The following CHN1 variants were observed in gnomAD, a reference collection of about 807,000 sequenced individuals.
CHN1 encodes chimerin 1, also known as N-chimaerin.
A neutral mutation model predicts 59.5 loss-of-function variants in CHN1; 37 were observed. The observed-to-expected ratio is 0.62, with a 90% CI of 0.48 to 0.82. CHN1 has a LOEUF of 0.82. Among genes scored for constraint, CHN1 ranks in the 40% least tolerant of loss-of-function variants. CHN1 has a pLI of 0.00. For synonymous variants in CHN1, 206 were observed against 200.4 expected, an observed-to-expected ratio of 1.03 and a Z score of -0.24; for missense variants, 469 against 571.0, an observed-to-expected ratio of 0.82 and a Z score of 1.82.
At chr2:174,839,781 T>TTTGA (rs1310886387) in intron 7 of CHN1, among the ~76,000 whole-genome samples, 1 of 152,088 alleles carries the variant, frequency 6.6e-6, no homozygotes, top group East Asian at 1.9e-4. Flanking sequence ...GTTTTGTATT[T>TTTGA]TTGATAGAAA....
intron 7 of CHN1, among the ~76,000 whole-genome samples, chr2:174,844,354 C>T (rs1686426807): frequency 2.0e-5 from 3 of 152,152 alleles, no homozygotes; most frequent in Admixed American, 1.3e-4. Context: ...TCAGTGAGTG[C>T]TTTCACCAAA....
At chr2:174,911,702 A>G (rs1033423966) in intron 5 of CHN1, among the ~76,000 whole-genome samples, 2 of 152,250 alleles carry the variant, frequency 1.3e-5, no homozygotes, top group Non-Finnish European at 2.9e-5. Flanking sequence ...GCACACATAC[A>G]ATACACACTC....
chr2:174,989,918 C>A (rs1188852191), intron 1 of CHN1, among the ~76,000 whole-genome samples: 1 of 152,048 alleles, frequency 6.6e-6, no homozygotes, highest in African/African-American at 2.4e-5. Context: ...TCCTTCTTCC[C>A]CTGGTACAAA....
In CHN1 at chr2:174,799,367, C is replaced by T. The variant is rs548051833; in HGVS notation, c.*749G>A. 3 of 404,980 alleles carry T rather than the reference C, an allele frequency of 7.4e-6. No individual in the cohort carries two copies. In the East Asian group the frequency reaches 1.5e-4, roughly 20 times the overall value. 25.1% of individuals were successfully genotyped at this position (404,980 alleles called of 1,614,324 possible). On this transcript the variant is annotated 3_prime_UTR_variant, in exon 13 of 13. Transcript: ENST00000409900. The stretch of plus-strand genomic sequence containing the variant: ...GGCCAAACACATTTTCCCGAATATT[C>T]TTATGAGAAAAAAGTAAGCTATCAA...
chr2:174,844,605 T>G (rs1400931395), intron 7 of CHN1, among the ~76,000 whole-genome samples: 2 of 152,220 alleles, frequency 1.3e-5, no homozygotes, highest in Non-Finnish European at 2.9e-5. Flanking sequence ...ATTTCTGAAC[T>G]GTACATACAT....
rs113640260 is a variant in CHN1, at chr2:174,932,399, A to G, written c.114+12489T>C. On this transcript the variant is annotated intron_variant, in intron 3 of 12. Coordinates refer to ENST00000409900, the MANE Select transcript of CHN1 (RefSeq NM_001822.7). ...TTTTAATGGGTCTAGCATTGAAGTTAACGTCTGTTCCCCTAGAGAAAACTG... is the reference window on the plus strand; with the variant it reads ...TTTTAATGGGTCTAGCATTGAAGTTGACGTCTGTTCCCCTAGAGAAAACTG... Among the ~76,000 whole-genome samples the G allele has an allele frequency of 8.3e-3, 1,259 of 152,306 alleles. 6 individuals carry two copies. The highest frequency in any genetic ancestry group is 0.015 in the Non-Finnish European group (1,010 of 68,020).
chr2:174,877,782 G>T, intron 6 of CHN1, 58 bp downstream of exon 6: 1 of 1,492,938 alleles, frequency 6.7e-7, no homozygotes, highest in Non-Finnish European at 9.1e-7. Flanking sequence ...GGCAATAATG[G>T]CTTTCTTAAA....
chr2:174,929,018 T>C (rs1689254964), intron 3 of CHN1, among the ~76,000 whole-genome samples: 1 of 152,224 alleles, frequency 6.6e-6, no homozygotes. Flanking sequence ...AGATATGTTA[T>C]GAAACTTACA....
chr2:174,800,036 T>C lies in CHN1; in HGVS notation c.*80A>G. The C allele has an allele frequency of 7.7e-7, 1 of 1,303,512 alleles. No homozygotes were observed. The highest frequency in any genetic ancestry group is 1.3e-5 in the South Asian group (1 of 78,712). The allele number at this position is 1,303,512 out of a possible 1,614,324, so 80.7% of individuals were successfully genotyped here. ...GCCCAAACCTCTAATCAAGAAATAA[T>C]GCAGCTACAGGAGCAAATTAAATTA... On this transcript the variant is annotated 3_prime_UTR_variant, in exon 13 of 13. Coordinates refer to ENST00000409900, the MANE Select transcript of CHN1 (RefSeq NM_001822.7).
intron 6 of CHN1, among the ~76,000 whole-genome samples, chr2:174,860,749 G>A (rs1234802238): frequency 6.6e-6 from 1 of 152,094 alleles, no homozygotes; most frequent in South Asian, 2.1e-4. Context: ...AACAAAAGTT[G>A]AATTTGTCCG....
chr2:174,900,790 A>G (rs1688365367), intron 5 of CHN1, among the ~76,000 whole-genome samples: 1 of 151,824 alleles, frequency 6.6e-6, no homozygotes, highest in Non-Finnish European at 1.5e-5. Flanking sequence ...GGGCAAAAAG[A>G]GCGAAACTCC....
chr2:174,837,225 C>A (rs565296477), intron 7 of CHN1: 66 of 152,218 alleles, frequency 4.3e-4, no homozygotes, highest in African/African-American at 1.4e-3. Flanking sequence ...ATTAGCACAC[C>A]CCCTAGAGAT....
intron 5 of CHN1, among the ~76,000 whole-genome samples, chr2:174,910,073 CT>C (rs370780672): frequency 2.2e-4 from 33 of 152,254 alleles, no homozygotes; most frequent in African/African-American, 7.7e-4. Flanking sequence ...TGAGAGTTTT[CT>C]TTTTAAATCT....
Position 174,880,536 on chromosome 2 carries a change from C to CA in CHN1, c.261-2409dup, listed in dbSNP as rs201851371. On this transcript the variant is annotated intron_variant, in intron 5 of 12. Coordinates refer to ENST00000409900, the MANE Select transcript of CHN1 (RefSeq NM_001822.7). ...TGTGCCCATTCTACATAAGAAGAGC[C>CA]ATAAAGGGGGAGATTCCAAATCTAA... 6.2e-3 allele frequency among the ~76,000 whole-genome samples: 939 copies of CA among 152,168 alleles called. 15 individuals are homozygous for CA. Among genetic ancestry groups the CA allele is most frequent in the African/African-American group, 0.022 (893 of 41,522 alleles).
chr2:174,847,510 G>C, intron 6 of CHN1: 1 of 1,207,774 alleles, frequency 8.3e-7, no homozygotes, highest in Non-Finnish European at 1.0e-6. Context: ...CTCTATTCAA[G>C]ATATTAATGT....
chr2:174,948,747 A>G (rs1689924807), intron 2 of CHN1, among the ~76,000 whole-genome samples: 1 of 152,118 alleles, frequency 6.6e-6, no homozygotes, highest in Non-Finnish European at 1.5e-5. Context: ...AACAATTAGA[A>G]CTCCTTGAAT....
At chr2:174,910,194 T>C (rs1688650617) in intron 5 of CHN1, among the ~76,000 whole-genome samples, 1 of 152,230 alleles carries the variant, frequency 6.6e-6, no homozygotes, top group East Asian at 1.9e-4. Flanking sequence ...TCCAGTTTTC[T>C]TCTATAGTTT....
chr2:174,849,402 G>GAT (rs1686653676), intron 6 of CHN1, among the ~76,000 whole-genome samples: 1 of 152,142 alleles, frequency 6.6e-6, no homozygotes, highest in Non-Finnish European at 1.5e-5. Flanking sequence ...GCAGTAAGGA[G>GAT]ATAGAAAACA....
In CHN1 at chr2:174,900,523, A is replaced by G. The variant is rs371595147; in HGVS notation, c.260+14535T>C. 6.5e-4 allele frequency among the ~76,000 whole-genome samples: 99 copies of G among 152,210 alleles called. No homozygotes were observed. In the East Asian group the frequency reaches 7.5e-3, roughly 12 times the overall value. On this transcript the variant is annotated intron_variant, in intron 5 of 12. Coordinates refer to ENST00000409900, the MANE Select transcript of CHN1 (RefSeq NM_001822.7). ...AAAAATTTTTAAAACGTAACCATCA[A>G]GGCCAGGCGCAGTGGCTCACGCCTG...
Sources: gnomAD v4.1 joint callset for allele counts (sites outside exome capture counted in the v4.1 genomes callset) on GRCh38, gnomAD v4.1.1 for gene constraint, MANE v1.5 for transcripts, NCBI Gene and HGNC (gene_info 2026-07-23, HGNC 2026-07-21) for gene names.